The following DHCR24 variants were observed in gnomAD, a reference collection of about 807,000 sequenced individuals.
DHCR24 encodes delta(24)-sterol reductase.
In DHCR24, 28 loss-of-function variants were observed where a neutral mutation model predicts 61.2. The ratio of observed to expected loss-of-function variants is 0.46; its 90% CI spans 0.34 to 0.63. The LOEUF (loss-of-function observed/expected upper bound fraction) is 0.63. DHCR24 is among the 20% of genes least tolerant of loss of function. The pLI is 0.01. For synonymous variants in DHCR24, 261 were observed against 275.9 expected (o/e 0.95, Z 0.54); for missense variants, 538 against 679.1 (o/e 0.79, Z 2.31).
chr1:54,852,052 T>C lies in DHCR24; in HGVS notation c.*181A>G. The C allele has an allele frequency of 3.0e-6, 2 of 673,554 alleles. No homozygotes were observed. The highest frequency in any genetic ancestry group is 5.0e-6 in the Non-Finnish European group (2 of 400,234). The allele number at this position is 673,554 out of a possible 1,614,324, so 41.7% of individuals were successfully genotyped here. ...GGCTTGTCTGACTCCAAATCCCACA[T>C]TCTTTCCATTCCACTGGGCTGCCCC... On this transcript the variant is annotated 3_prime_UTR_variant, in exon 9 of 9. Transcript: ENST00000371269.
At chr1:54,874,471 G>T (rs906501623) in intron 4 of DHCR24, among the ~76,000 whole-genome samples, 4 of 152,246 alleles carry the variant, frequency 2.6e-5, no homozygotes, top group African/African-American at 9.6e-5. Flanking sequence ...GTATAGGTCT[G>T]TAGTCAAGGA....
intron 6 of DHCR24, among the ~76,000 whole-genome samples, chr1:54,862,218 C>A (rs1646942202): frequency 6.6e-6 from 1 of 152,162 alleles, no homozygotes; most frequent in Non-Finnish European, 1.5e-5. Context: ...AGTACCTTCA[C>A]CTGGCCCCAC....
Position 54,875,247 on chromosome 1 carries a change from G to T in DHCR24, c.494-36C>A, listed in dbSNP as rs1368321095. On this transcript the variant is annotated intron_variant, in intron 3 of 8. Transcript: ENST00000371269. Reference sequence around the variant, plus strand: ...ATCACACACAGTGTCAGCAGGGAGAGCTGTGGGTACAGGGTTGGGGGTGGG... The same window carrying T: ...ATCACACACAGTGTCAGCAGGGAGATCTGTGGGTACAGGGTTGGGGGTGGG... 11 of 1,601,074 alleles carry T rather than the reference G, an allele frequency of 6.9e-6. No homozygotes were observed. In the Admixed American group the frequency reaches 1.8e-4, roughly 27 times the overall value.
At chr1:54,868,967 T>C (rs1296554641) in intron 5 of DHCR24, among the ~76,000 whole-genome samples, 1 of 152,106 alleles carries the variant, frequency 6.6e-6, no homozygotes, top group Non-Finnish European at 1.5e-5. Flanking sequence ...CTCGGGAGGC[T>C]GAGACAGGAG....
At position 54,852,097 on chromosome 1, in the gene DHCR24, TGGTGTTGGGCTGTCAG is replaced by T. The variant is rs1646878237; in HGVS notation, c.*120_*135del. On this transcript the variant is annotated 3_prime_UTR_variant, in exon 9 of 9. Transcript: ENST00000371269. The stretch of plus-strand genomic sequence containing the variant: ...TGCCCCCTGGAAGCCAGGAGGAAGG[TGGTGTTGGGCTGTCAG>T]GGTGGGAGTTCTGGAGGGGTTTCTC... 7.0e-6 allele frequency: 7 copies of T among 996,706 alleles called. No homozygotes were observed. Among genetic ancestry groups the T allele is most frequent in the Non-Finnish European group, 1.0e-5 (7 of 675,760 alleles). The allele number at this position is 996,706 out of a possible 1,614,324, so 61.7% of individuals were successfully genotyped here.
chr1:54,865,239 A>T (rs1349483542), intron 6 of DHCR24, 64 bp downstream of exon 6: 2 of 1,566,100 alleles, frequency 1.3e-6, no homozygotes, highest in African/African-American at 2.7e-5. Flanking sequence ...CTACAGTGTT[A>T]ACTGTCCGGG....
At chr1:54,852,688 TGG>T (rs1368293993) in intron 8 of DHCR24, among the ~76,000 whole-genome samples, 3 of 152,094 alleles carry the variant, frequency 2.0e-5, no homozygotes, top group African/African-American at 7.2e-5. Flanking sequence ...AATGGAGCAG[TGG>T]GGTTGTTTTC....
rs1455502929 is a variant in DHCR24, at chr1:54,886,672, G to A, written c.231+217C>T. 2.7e-6 allele frequency: 4 copies of A among 1,506,588 alleles called. No individual in the cohort carries two copies. The East Asian group carries it at 8.6e-5, about 33-fold the overall frequency. The allele number at this position is 1,506,588 out of a possible 1,614,324, so 93.3% of individuals were successfully genotyped here. A position where few individuals can be genotyped will look rare whatever the true frequency, so the allele number is the denominator to read the frequency against. On this transcript the variant is annotated intron_variant, in intron 1 of 8. Transcript: ENST00000371269. The stretch of plus-strand genomic sequence containing the variant: ...CTTCTTCATCTCCCTCCAGGTACCC[G>A]CATATGCCCTGCACACAGTGGGCAC...
chr1:54,878,931 C>T (rs1351314033), intron 2 of DHCR24, among the ~76,000 whole-genome samples: 1 of 152,132 alleles, frequency 6.6e-6, no homozygotes, highest in Non-Finnish European at 1.5e-5. Context: ...CCAGAACTGA[C>T]ATAGATATTA....
chr1:54,861,453 G>A (rs942876126), intron 6 of DHCR24, among the ~76,000 whole-genome samples: 22 of 152,084 alleles, frequency 1.4e-4, no homozygotes, highest in Admixed American at 9.8e-4. Flanking sequence ...AGCCATCACC[G>A]CCTCTCTTCC....
intron 4 of DHCR24, among the ~76,000 whole-genome samples, chr1:54,873,124 T>C (rs1647008534): frequency 6.6e-6 from 1 of 152,238 alleles, no homozygotes; most frequent in South Asian, 2.1e-4. Context: ...CTCTAATCAC[T>C]TTTACTTACA....
chr1:54,880,249 C>G (rs958481409), intron 2 of DHCR24, among the ~76,000 whole-genome samples: 2 of 152,100 alleles, frequency 1.3e-5, no homozygotes, highest in Admixed American at 6.5e-5. Context: ...GGACAAATAC[C>G]TTTGAGACAC....
chr1:54,883,123 T>A lies in DHCR24; in HGVS notation c.387+495A>T, dbSNP rs533153571. 1.3e-5 allele frequency among the ~76,000 whole-genome samples: 2 copies of A among 152,316 alleles called. No individual in the cohort carries two copies. Among genetic ancestry groups the A allele is most frequent in the East Asian group, 3.9e-4 (2 of 5,186 alleles). ...TTGTCAATTAGAAATAAAGCTGTGA[T>A]ATAATCACTCTGTGTTGGGTATCTT... On this transcript the variant is annotated intron_variant, in intron 2 of 8. Transcript: ENST00000371269. This position sits in a 1 kb window ranked among gnomAD's most constrained non-coding sequence, Gnocchi z 4.3.
intron 5 of DHCR24, among the ~76,000 whole-genome samples, chr1:54,867,915 T>C (rs930054201): frequency 2.0e-5 from 3 of 152,202 alleles, no homozygotes; most frequent in Admixed American, 1.3e-4. Flanking sequence ...TGCATAGTGC[T>C]AAAGTCTGCA....
At chr1:54,879,328 A>G (rs1159803696) in intron 2 of DHCR24, among the ~76,000 whole-genome samples, 2,841 of 12,252 alleles carry the variant, frequency 0.23, 130 homozygotes, top group East Asian at 0.5. Context: ...ATCTGAAAAA[A>G]AAAAAAAAAA....
At chr1:54,860,128 A>G (rs1646928061) in intron 6 of DHCR24, among the ~76,000 whole-genome samples, 1 of 152,176 alleles carries the variant, frequency 6.6e-6, no homozygotes, top group Non-Finnish European at 1.5e-5. Context: ...TACTTGCCCA[A>G]TGTCAGAACT....
chr1:54,886,106 G>A (rs1031361532), intron 1 of DHCR24, among the ~76,000 whole-genome samples: 1 of 152,160 alleles, frequency 6.6e-6, no homozygotes, highest in African/African-American at 2.4e-5. Context: ...TCTGCAACCT[G>A]ATGCCAACAA....
chr1:54,850,654 G>C lies in DHCR24; in HGVS notation c.*1579C>G, dbSNP rs907398518. 11 of 152,218 alleles carry C rather than the reference G, an allele frequency of 7.2e-5. No individual in the cohort carries two copies. The highest frequency in any genetic ancestry group is 2.7e-4 in the African/African-American group (11 of 41,454). The allele number at this position is 152,218 out of a possible 1,614,324, so 9.4% of individuals were successfully genotyped here. On this transcript the variant is annotated 3_prime_UTR_variant, in exon 9 of 9. Coordinates refer to ENST00000371269, the MANE Select transcript of DHCR24 (RefSeq NM_014762.4). ...TGGAAATGAGATGGGAGCTGACCTT[G>C]GGGTTGAAGGAAGGATCTTGAATGA...
intron 1 of DHCR24, chr1:54,886,573 G>T (rs1241529935): frequency 7.3e-7 from 1 of 1,376,928 alleles, no homozygotes; most frequent in Non-Finnish European, 9.6e-7. Context: ...TCCACCTCCC[G>T]GAAGCCTTTC....
Sources: gnomAD v4.1 joint callset for allele counts (sites outside exome capture counted in the v4.1 genomes callset) on GRCh38, gnomAD v4.1.1 for gene constraint, Gnocchi (gnomAD v3.1) non-coding constraint, MANE v1.5 for transcripts, NCBI Gene and HGNC (gene_info 2026-07-23, HGNC 2026-07-21) for gene names.